The following STARD13 variants were observed in gnomAD, a reference collection of about 807,000 sequenced individuals.
STARD13 encodes StAR related lipid transfer domain containing 13.
A neutral mutation model predicts 106.4 loss-of-function variants in STARD13; 62 were observed. That is an observed-to-expected ratio of 0.58 (90% CI 0.48 to 0.72). STARD13 has a LOEUF of 0.72. Among genes scored for constraint, STARD13 ranks in the 30% least tolerant of loss-of-function variants. The probability of loss-of-function intolerance (pLI) is 0.00; values close to 1 mark genes in which losing one functional copy is unlikely to be tolerated. For missense variants in STARD13, 1,387 were observed against 1,424.0 expected (o/e 0.97, Z 0.42); for synonymous variants, 565 against 553.0 (o/e 1.02, Z -0.31).
chr13:33,236,939 G>A (rs140902016), intron 1 of STARD13, among the ~76,000 whole-genome samples: 1 of 152,170 alleles, frequency 6.6e-6, no homozygotes, highest in Admixed American at 6.5e-5. Context: ...GATAGTTTTT[G>A]ACCACTGATT....
chr13:33,173,177 G>A (rs143117068), intron 1 of STARD13, among the ~76,000 whole-genome samples: 7 of 152,264 alleles, frequency 4.6e-5, no homozygotes, highest in East Asian at 1.9e-4. Flanking sequence ...ACATTTCAAC[G>A]GGCTTGTGGT....
the STARD13 span, among the ~76,000 whole-genome samples, chr13:33,524,818 A>T: frequency 6.6e-6 from 1 of 152,148 alleles, no homozygotes; most frequent in East Asian, 1.9e-4. Context: ...GCTAATTAAC[A>T]TATGCATGAC....
At chr13:33,203,166 T>A (rs563635480) in intron 1 of STARD13, among the ~76,000 whole-genome samples, 1 of 152,176 alleles carries the variant, frequency 6.6e-6, no homozygotes, top group South Asian at 2.1e-4. Flanking sequence ...AAGGCTGCCA[T>A]ATTTCGAGAT....
At chr13:33,540,982 G>A in the STARD13 span, among the ~76,000 whole-genome samples, 1 of 152,194 alleles carries the variant, frequency 6.6e-6, no homozygotes, top group African/African-American at 2.4e-5. Context: ...TGCCAGGGAA[G>A]TGCTAAAAGT....
At chr13:33,198,026 C>T (rs972365839) in intron 1 of STARD13, among the ~76,000 whole-genome samples, 7 of 151,168 alleles carry the variant, frequency 4.6e-5, no homozygotes, top group African/African-American at 1.2e-4. Flanking sequence ...AAAAATTAGC[C>T]GGGCATGGTG....
the STARD13 span, among the ~76,000 whole-genome samples, chr13:33,522,910 C>T: frequency 1.3e-5 from 2 of 152,136 alleles, no homozygotes; most frequent in African/African-American, 4.8e-5. Context: ...TAATGCCTTG[C>T]AGGGCTGTTG....
chr13:33,352,538 C>T, upstream of STARD13, among the ~76,000 whole-genome samples: 1 of 152,180 alleles, frequency 6.6e-6, no homozygotes, highest in Non-Finnish European at 1.5e-5. Context: ...TAGGAGTTTT[C>T]CTTAAATGAC....
the STARD13 span, among the ~76,000 whole-genome samples, chr13:33,397,230 A>G: frequency 1.3e-5 from 2 of 152,158 alleles, no homozygotes; most frequent in African/African-American, 4.8e-5. Flanking sequence ...ATTTTGGACA[A>G]TCTTTTTTTT....
At chr13:33,383,801 T>C in the STARD13 span, 1 of 147,040 alleles carries the variant, frequency 6.8e-6, no homozygotes, top group Non-Finnish European at 1.5e-5. Flanking sequence ...AACACGAAGC[T>C]GCACATTCCC....
At chr13:33,280,850 A>C (rs1260497640) in intron 1 of STARD13, 1 of 152,192 alleles carries the variant, frequency 6.6e-6, no homozygotes, top group Non-Finnish European at 1.5e-5. Context: ...CCCTTTATTT[A>C]ATGGAAGAAG....
intron 8 of STARD13, among the ~76,000 whole-genome samples, chr13:33,116,098 T>C (rs185014341): frequency 1.3e-5 from 2 of 152,264 alleles, no homozygotes; most frequent in East Asian, 3.8e-4. Flanking sequence ...AAGCATACAC[T>C]CCTTGCCCTA....
At chr13:33,572,934 G>A in the STARD13 span, among the ~76,000 whole-genome samples, 1 of 152,168 alleles carries the variant, frequency 6.6e-6, no homozygotes, top group South Asian at 2.1e-4. Context: ...AGGGGATCCT[G>A]AAACCAGTTC....
At chr13:33,147,937 T>A (rs1396958293) in intron 3 of STARD13, among the ~76,000 whole-genome samples, 2 of 152,128 alleles carry the variant, frequency 1.3e-5, no homozygotes, top group East Asian at 1.9e-4. Flanking sequence ...TCAACTTACG[T>A]TTATAAAGGA....
intron 1 of STARD13, chr13:33,186,100 A>G (rs1594071379): frequency 6.4e-7 from 1 of 1,554,818 alleles, no homozygotes; most frequent in Non-Finnish European, 8.7e-7. Context: ...GTGGAGAGGA[A>G]CCTCACTGCT....
intron 9 of STARD13, among the ~76,000 whole-genome samples, chr13:33,112,281 C>A (rs1487248127): frequency 6.6e-6 from 1 of 152,210 alleles, no homozygotes; most frequent in Non-Finnish European, 1.5e-5. Context: ...CTTTCTGGAT[C>A]ACAGCTGGCA....
At chr13:33,655,198 A>G in the STARD13 span, among the ~76,000 whole-genome samples, 1 of 152,226 alleles carries the variant, frequency 6.6e-6, no homozygotes, top group Non-Finnish European at 1.5e-5. Flanking sequence ...TGTAGATGTT[A>G]CTCTTTAGTG....
chr13:33,485,187 T>G, the STARD13 span, among the ~76,000 whole-genome samples: 1 of 152,210 alleles, frequency 6.6e-6, no homozygotes, highest in African/African-American at 2.4e-5. Flanking sequence ...TTTACTTGAA[T>G]GAAGTGAATG....
At chr13:33,674,217 G>A in the STARD13 span, among the ~76,000 whole-genome samples, 2 of 152,064 alleles carry the variant, frequency 1.3e-5, no homozygotes, top group Non-Finnish European at 2.9e-5. Context: ...AAATACAACG[G>A]TCTAATTGCA....
chr13:33,434,370 A>G, the STARD13 span, among the ~76,000 whole-genome samples: 73 of 151,158 alleles, frequency 4.8e-4, 1 homozygote, highest in South Asian at 9.6e-3. Flanking sequence ...AAAAAAAAAA[A>G]AAAGAAAGAA....
Sources: allele counts gnomAD v4.1 joint callset (sites outside exome capture counted in the v4.1 genomes callset), GRCh38; gene constraint gnomAD v4.1.1; transcripts MANE v1.5; gene names NCBI Gene and HGNC (gene_info 2026-07-23, HGNC 2026-07-21).